The following CAMK2B variants were observed in gnomAD, a reference collection of about 807,000 sequenced individuals.
CAMK2B encodes the protein calcium/calmodulin dependent protein kinase II beta, also known as calcium/calmodulin-dependent protein kinase type II subunit beta.
A neutral mutation model predicts 93.7 loss-of-function variants in CAMK2B; 27 were observed. The ratio of observed to expected loss-of-function variants is 0.29; its 90% CI spans 0.21 to 0.40. CAMK2B has a LOEUF of 0.40. Ranked by LOEUF, CAMK2B falls within the 10% of genes least tolerant of loss-of-function variation. The probability of loss-of-function intolerance (pLI) is 1.00; values close to 1 mark genes in which losing one functional copy is unlikely to be tolerated. For missense variants in CAMK2B, 568 were observed against 895.8 expected (o/e 0.63, Z 4.67); for synonymous variants, 374 against 358.8 (o/e 1.04, Z -0.48).
At chr7:44,278,466 G>A (rs897916723) in intron 2 of CAMK2B, among the ~76,000 whole-genome samples, 2 of 152,072 alleles carry the variant, frequency 1.3e-5, no homozygotes, top group Non-Finnish European at 2.9e-5. Context: ...GAAGCTCTGG[G>A]GCTCCATCCA....
intron 20 of CAMK2B, among the ~76,000 whole-genome samples, chr7:44,222,911 G>T (rs1182733221): frequency 6.6e-6 from 1 of 152,206 alleles, no homozygotes; most frequent in Non-Finnish European, 1.5e-5. Context: ...CACTGCCTGG[G>T]AACGCCTGTG....
chr7:44,252,270 G>C (rs944001604), intron 5 of CAMK2B, among the ~76,000 whole-genome samples: 1 of 152,096 alleles, frequency 6.6e-6, no homozygotes, highest in Non-Finnish European at 1.5e-5. Flanking sequence ...ATTCTGGGCA[G>C]GCTGACTCTC....
At chr7:44,250,818 G>A (rs975524394) in intron 5 of CAMK2B, among the ~76,000 whole-genome samples, 27 of 152,290 alleles carry the variant, frequency 1.8e-4, no homozygotes, top group African/African-American at 5.3e-4. Flanking sequence ...GTGAGCCACC[G>A]TGCCTGGCCA....
Position 44,241,686 on chromosome 7 carries a change from G to C in CAMK2B, c.903+14C>G, listed in dbSNP as rs376366863. 9 of 1,605,494 alleles carry C rather than the reference G, an allele frequency of 5.6e-6. No homozygotes were observed. Among genetic ancestry groups the C allele is most frequent in the African/African-American group, 1.3e-5 (1 of 74,736 alleles). On this transcript the variant is annotated intron_variant, in intron 11 of 23. Coordinates refer to ENST00000395749, the MANE Select transcript of CAMK2B (RefSeq NM_001220.5). ...AAGCATGGCCGTGCCTGGGACTAGG[G>C]GCCAGGGCCTCACCTTGAGCTTTCT...
At position 44,284,141 on chromosome 7, in the gene CAMK2B, C is replaced by T; in HGVS notation, c.150G>A (p.Leu50=). 6.2e-7 allele frequency: 1 copy of T among 1,612,980 alleles called. No individual in the cohort carries two copies. ...YAAKIINTKK[L]SARDHQKLER... The stretch of plus-strand genomic sequence containing the variant: ...CTCCCCATGCCCTACCTCTGGCTGA[C>T]AGCTTCTTGGTGTTGATGATCTTGG... Residue 50 remains leucine, a synonymous_variant, in exon 2 of 24, where the codon CTG becomes CTA. Transcript: ENST00000395749.
In CAMK2B at chr7:44,263,037, C is replaced by T; in HGVS notation, c.188G>A (p.Arg63Gln). 1.2e-6 allele frequency: 2 copies of T among 1,613,406 alleles called. No individual in the cohort carries two copies. Among genetic ancestry groups the T allele is most frequent in the Non-Finnish European group, 1.7e-6 (2 of 1,179,686 alleles). Residue 63 changes from arginine to glutamine, a missense_variant, in exon 3 of 24, where the codon CGG (arginine) becomes CAG (glutamine). Physicochemically the swap from Arg to Gln is conservative, Grantham distance 43. Coordinates refer to ENST00000395749, the MANE Select transcript of CAMK2B (RefSeq NM_001220.5). ...GGAATGCTTCAGAAGGCGGCAGATC[C>T]GAGCCTCTCTCTCCAGCTTCTGGTG... The part of the protein sequence containing the change: ...RDHQKLEREA[R>Q]ICRLLKHSNI...
At chr7:44,317,380 A>G (rs1427319760) in intron 1 of CAMK2B, among the ~76,000 whole-genome samples, 3 of 152,194 alleles carry the variant, frequency 2.0e-5, no homozygotes, top group African/African-American at 7.2e-5. Context: ...AATACACACC[A>G]GATTTCAAGA....
chr7:44,253,761 C>A (rs2129009563), intron 5 of CAMK2B, among the ~76,000 whole-genome samples: 1 of 151,990 alleles, frequency 6.6e-6, no homozygotes, highest in African/African-American at 2.4e-5. Context: ...TGCCTGGCTA[C>A]TTTTTTTTAA....
chr7:44,226,684 C>CG (rs2096484316), intron 19 of CAMK2B, 40 bp from the exon 20 acceptor site: 5 of 1,343,800 alleles, frequency 3.7e-6, no homozygotes, highest in Non-Finnish European at 4.8e-6. Flanking sequence ...AAGGCAGGCA[C>CG]GGGGGGCACG....
At chr7:44,240,044 G>C (rs1342212612) in intron 12 of CAMK2B, among the ~76,000 whole-genome samples, 1 of 152,186 alleles carries the variant, frequency 6.6e-6, no homozygotes, top group African/African-American at 2.4e-5. Context: ...AACGGACAAC[G>C]AGAGAGACGG....
rs987750884 is a variant in CAMK2B at position 44,289,388 on chromosome 7, C to CA, written c.66-5164dup. Among the ~76,000 whole-genome samples the CA allele has an allele frequency of 6.5e-4, 99 of 152,350 alleles. 1 individual carries two copies. Among genetic ancestry groups the CA allele is most frequent in the African/African-American group, 2.3e-3 (96 of 41,582 alleles). The stretch of plus-strand genomic sequence containing the variant: ...CAGGAAGGAAATTTCGCCTTGCCCC[C>CA]AGCAGGACCACACAACAGCCCCTCT... On this transcript the variant is annotated intron_variant, in intron 1 of 23. Transcript: ENST00000395749.
chr7:44,241,618 G>A (rs1220723394), intron 11 of CAMK2B, 82 bp downstream of exon 11: 1 of 1,098,236 alleles, frequency 9.1e-7, no homozygotes, highest in Non-Finnish European at 1.4e-6. Context: ...GGTCTGCCCA[G>A]ACCCCCCAAG....
chr7:44,270,213 C>T (rs1261071092), intron 2 of CAMK2B, among the ~76,000 whole-genome samples: 1 of 152,156 alleles, frequency 6.6e-6, no homozygotes, highest in Non-Finnish European at 1.5e-5. Context: ...TCCTCAAGGA[C>T]AATCCCTTCT....
At chr7:44,272,185 G>T (rs115958674) in intron 2 of CAMK2B, among the ~76,000 whole-genome samples, 1 of 152,278 alleles carries the variant, frequency 6.6e-6, no homozygotes, top group African/African-American at 2.4e-5. Context: ...GGGGAATTGG[G>T]GGGGTGGGCA....
rs74810692 is a variant in CAMK2B at position 44,308,447 on chromosome 7, G to A, written c.65+16910C>T. On this transcript the variant is annotated intron_variant, in intron 1 of 23. Transcript: ENST00000395749. ...CCTGGGTCCCCATCCCCCTGCCCCC[G>A]GCTCGCATCCCATGTCCCCCTCCTC... is the stretch of plus-strand genomic sequence containing the variant. 3.0e-3 allele frequency among the ~76,000 whole-genome samples: 456 copies of A among 151,242 alleles called. 4 individuals are homozygous for A. The highest frequency in any genetic ancestry group is 0.01 in the African/African-American group (425 of 41,116).
chr7:44,278,037 G>A (rs1401019184), intron 2 of CAMK2B, among the ~76,000 whole-genome samples: 1 of 152,216 alleles, frequency 6.6e-6, no homozygotes, highest in African/African-American at 2.4e-5. Context: ...GAGGCCATCA[G>A]ATGAACCAGC....
At chr7:44,304,623 A>G (rs1050924467) in intron 1 of CAMK2B, among the ~76,000 whole-genome samples, 2 of 152,242 alleles carry the variant, frequency 1.3e-5, no homozygotes, top group African/African-American at 4.8e-5. Flanking sequence ...GGTGGAGCAC[A>G]GAGAAATTCT....
chr7:44,223,186 G>GTGTGCC (rs2096433725), intron 20 of CAMK2B, among the ~76,000 whole-genome samples: 1 of 152,230 alleles, frequency 6.6e-6, no homozygotes, highest in Non-Finnish European at 1.5e-5. Flanking sequence ...CACGTGTCGT[G>GTGTGCC]TGTGCCTGTG....
chr7:44,243,542 C>T lies in CAMK2B; in HGVS notation c.415-15G>A, dbSNP rs368399687. ...AGGTTCTCCGGCTGCAGGGAGGTGA[C>T]CGGCACAAGGGTGCATGTTGTTTAA... is the stretch of plus-strand genomic sequence containing the variant. On this transcript the variant is annotated splice_polypyrimidine_tract_variant and intron_variant, in intron 6 of 23. Coordinates refer to ENST00000395749, the MANE Select transcript of CAMK2B (RefSeq NM_001220.5). The T allele has an allele frequency of 1.2e-6, 2 of 1,608,318 alleles. No homozygotes were observed. Among genetic ancestry groups the T allele is most frequent in the Non-Finnish European group, 1.7e-6 (2 of 1,175,140 alleles).
Sources: gnomAD v4.1 joint callset for allele counts (sites outside exome capture counted in the v4.1 genomes callset) on GRCh38, gnomAD v4.1.1 for gene constraint, MANE v1.5 for transcripts, NCBI Gene and HGNC (gene_info 2026-07-23, HGNC 2026-07-21) for gene names.